The following IL1RAPL1 variants were observed in gnomAD, a reference collection of about 807,000 sequenced individuals.
The protein encoded by IL1RAPL1 is interleukin 1 receptor accessory protein like 1, also known as interleukin-1 receptor accessory protein-like 1.
In IL1RAPL1, 3 loss-of-function variants were observed where a neutral mutation model predicts 48.4. The ratio of observed to expected loss-of-function variants is 0.06; its 90% CI spans 0.03 to 0.16. The LOEUF is 0.16. Among genes scored for constraint, IL1RAPL1 ranks in the 10% least tolerant of loss-of-function variants. IL1RAPL1 has a pLI of 1.00. For synonymous variants in IL1RAPL1, 185 were observed against 187.7 expected (o/e 0.99, Z 0.12); for missense variants, 349 against 530.6 (o/e 0.66, Z 3.36).
chrX:28,746,945 C>A (rs1284271378), intron 1 of IL1RAPL1, among the ~76,000 whole-genome samples: 2 of 111,022 alleles, frequency 1.8e-5, no homozygotes, highest in Non-Finnish European at 3.8e-5. Context: ...TCTTCTAATG[C>A]GTTCTCCTGT....
intron 2 of IL1RAPL1, among the ~76,000 whole-genome samples, chrX:29,118,591 C>T (rs1462113474): frequency 9.0e-6 from 1 of 111,249 alleles, no homozygotes; most frequent in African/African-American, 3.3e-5. Context: ...ATAAATTTCC[C>T]CTTATCTGAT....
At position 28,964,541 on chromosome X, in the gene IL1RAPL1, G is replaced by A. The variant is rs191735383; in HGVS notation, c.82+175116G>A. On this transcript the variant is annotated intron_variant, in intron 2 of 10. Coordinates refer to ENST00000378993, the MANE Select transcript of IL1RAPL1 (RefSeq NM_014271.4). ...ATTTTTGCATATTGGTAGGAATTTAGCAGTGGAATAAATTTCTAGTAGCCA... is the reference window on the plus strand; with the variant it reads ...ATTTTTGCATATTGGTAGGAATTTAACAGTGGAATAAATTTCTAGTAGCCA... 4.2e-3 allele frequency among the ~76,000 whole-genome samples: 471 copies of A among 111,699 alleles called. 4 individuals are homozygous for A. The highest frequency in any genetic ancestry group is 0.014 in the African/African-American group (445 of 30,894).
chrX:29,906,310 G>A (rs1393585807), intron 6 of IL1RAPL1, among the ~76,000 whole-genome samples: 4 of 98,546 alleles, frequency 4.1e-5, no homozygotes, highest in Admixed American at 1.1e-4. Context: ...ACTCCAGCCT[G>A]GGTGATAGAG....
rs749005650 is a variant in IL1RAPL1 at position 29,768,033 on chromosome X, A to G, written c.778+99529A>G. ...ATTTTTAAATTATGTATTTATTTGT[A>G]CACCATTTAAAAAAATTATATTTTT... On this transcript the variant is annotated intron_variant, in intron 6 of 10. Transcript: ENST00000378993. Among the ~76,000 whole-genome samples, 8 of 111,791 alleles carry G rather than the reference A, an allele frequency of 7.2e-5. No homozygotes were observed. The South Asian group carries it at 3.0e-3, about 42-fold the overall frequency.
At chrX:29,593,835 A>G (rs1179486415) in intron 5 of IL1RAPL1, among the ~76,000 whole-genome samples, 5 of 112,028 alleles carry the variant, frequency 4.5e-5, no homozygotes, top group Non-Finnish European at 9.4e-5. Flanking sequence ...CCAGATCCAG[A>G]TTATCTTTAA....
At chrX:29,431,819 T>A (rs1305396904) in intron 5 of IL1RAPL1, among the ~76,000 whole-genome samples, 1 of 111,374 alleles carries the variant, frequency 9.0e-6, no homozygotes, top group African/African-American at 3.3e-5. Flanking sequence ...TTATGTTAAG[T>A]ACTACCACAG....
At position 28,605,455 on chromosome X, in the gene IL1RAPL1, C is replaced by T. The variant is rs1483149217; in HGVS notation, c.-25+17408C>T. Reference sequence around the variant, plus strand: ...CACAAACCACATCCAGTCATCAAGCCTTGTTGGTACTATCTTTACCCAGAT... The same window carrying T: ...CACAAACCACATCCAGTCATCAAGCTTTGTTGGTACTATCTTTACCCAGAT... On this transcript the variant is annotated intron_variant, in intron 1 of 10. Transcript: ENST00000378993. Among the ~76,000 whole-genome samples, 5 of 111,515 alleles carry T rather than the reference C, an allele frequency of 4.5e-5. No homozygotes were observed. The East Asian group carries it at 1.4e-3, about 32-fold the overall frequency.
chrX:28,857,947 G>A (rs1921845061), intron 2 of IL1RAPL1, among the ~76,000 whole-genome samples: 1 of 112,023 alleles, frequency 8.9e-6, no homozygotes, highest in African/African-American at 3.2e-5. Flanking sequence ...CATTCTAGAT[G>A]CCATTAAGAA....
intron 3 of IL1RAPL1, among the ~76,000 whole-genome samples, chrX:29,323,737 A>C (rs1602171013): frequency 7.4e-5 from 1 of 13,482 alleles, no homozygotes. Context: ...ATATATATAT[A>C]TATATATATA....
intron 2 of IL1RAPL1, among the ~76,000 whole-genome samples, chrX:28,969,882 A>AACACATATGTTTCTAAAC (rs1569210404): frequency 6.5e-5 from 6 of 91,782 alleles, no homozygotes; most frequent in Non-Finnish European, 8.4e-5. Flanking sequence ...TATGTTTCTA[A>AACACATATGTTTCTAAAC]ACACATATAT....
chrX:29,820,647 GC>G (rs765425602), intron 6 of IL1RAPL1, among the ~76,000 whole-genome samples: 12 of 111,781 alleles, frequency 1.1e-4, no homozygotes, highest in African/African-American at 3.9e-4. Flanking sequence ...TTTCATGCTG[GC>G]CCTCCCATCC....
chrX:28,835,698 G>A (rs767538127), intron 2 of IL1RAPL1, among the ~76,000 whole-genome samples: 4 of 111,265 alleles, frequency 3.6e-5, no homozygotes, highest in East Asian at 2.8e-4. Flanking sequence ...CGCCATTTTT[G>A]TAGGTTAAAA....
chrX:29,757,249 A>T (rs181148895), intron 6 of IL1RAPL1, among the ~76,000 whole-genome samples: 1 of 112,425 alleles, frequency 8.9e-6, no homozygotes, highest in Admixed American at 9.5e-5. Flanking sequence ...TGCATAGCTC[A>T]TAAAATTATA....
intron 6 of IL1RAPL1, among the ~76,000 whole-genome samples, chrX:29,858,689 T>C (rs969917594): frequency 9.0e-6 from 1 of 111,697 alleles, no homozygotes; most frequent in African/African-American, 3.3e-5. Flanking sequence ...GCTTGGATAT[T>C]ACCTGGCTGG....
chrX:29,223,376 T>C (rs1218249985), intron 2 of IL1RAPL1, among the ~76,000 whole-genome samples: 1 of 111,555 alleles, frequency 9.0e-6, no homozygotes, highest in East Asian at 2.8e-4. Flanking sequence ...AAGAAACTGT[T>C]ACTTTATCAC....
intron 2 of IL1RAPL1, among the ~76,000 whole-genome samples, chrX:29,198,673 T>C (rs113476048): frequency 0.089 from 9,915 of 111,179 alleles, 341 homozygotes; most frequent in South Asian, 0.2. Flanking sequence ...CAATGGCAAT[T>C]GTTGGCCACT....
At chrX:28,991,805 C>T (rs1925610139) in intron 2 of IL1RAPL1, among the ~76,000 whole-genome samples, 1 of 111,902 alleles carries the variant, frequency 8.9e-6, no homozygotes, top group Admixed American at 9.5e-5. Context: ...GGATGCATAC[C>T]ATATTATGCA....
At chrX:29,715,035 C>T (rs771460320) in intron 6 of IL1RAPL1, among the ~76,000 whole-genome samples, 15 of 112,107 alleles carry the variant, frequency 1.3e-4, no homozygotes, top group African/African-American at 3.9e-4. Flanking sequence ...TCATATACCT[C>T]GGGGCATCCT....
chrX:29,163,009 G>GT (rs1929718954), intron 2 of IL1RAPL1, among the ~76,000 whole-genome samples: 1 of 108,597 alleles, frequency 9.2e-6, no homozygotes, highest in Non-Finnish European at 1.9e-5. Flanking sequence ...GGAGGCGGAG[G>GT]TTGCAGTGAG....
Sources: allele counts gnomAD v4.1 joint callset (sites outside exome capture counted in the v4.1 genomes callset), GRCh38; gene constraint gnomAD v4.1.1; transcripts MANE v1.5; gene names NCBI Gene and HGNC (gene_info 2026-07-23, HGNC 2026-07-21).